Variants in FBXL5 observed in about 807,000 individuals in gnomAD.
FBXL5 encodes F-box and leucine rich repeat protein 5.
Under a neutral mutation model 78.3 loss-of-function variants are expected in FBXL5, and 26 were observed. The observed-to-expected ratio is 0.33, with a 90% CI of 0.24 to 0.46. FBXL5 has a LOEUF of 0.46. Among genes scored for constraint, FBXL5 ranks in the 20% least tolerant of loss-of-function variants. The probability of loss-of-function intolerance (pLI) is 1.00; values close to 1 mark genes in which losing one functional copy is unlikely to be tolerated. For missense variants in FBXL5, 710 were observed against 829.2 expected (o/e 0.86, Z 1.77); for synonymous variants, 295 against 282.5 (o/e 1.04, Z -0.45).
chr4:15,667,175 G>A (rs79423793), intron 1 of FBXL5, among the ~76,000 whole-genome samples: 4,755 of 152,184 alleles, frequency 0.031, 118 homozygotes, highest in Non-Finnish European at 0.045. Flanking sequence ...CTGAATACAC[G>A]TCGTAGTACT....
intron 9 of FBXL5, among the ~76,000 whole-genome samples, chr4:15,615,723 G>A (rs1427479204): frequency 4.6e-5 from 7 of 151,338 alleles, no homozygotes; most frequent in East Asian, 2.0e-4. Context: ...TGATGGGGAC[G>A]TGGAGAACCT....
chr4:15,618,011 T>C (rs1490655889), intron 9 of FBXL5, among the ~76,000 whole-genome samples: 1 of 152,068 alleles, frequency 6.6e-6, no homozygotes, highest in Non-Finnish European at 1.5e-5. Flanking sequence ...AAAGGAAACA[T>C]GGACTAAATC....
intron 1 of FBXL5, among the ~76,000 whole-genome samples, chr4:15,676,229 G>A (rs1717987026): frequency 6.6e-6 from 1 of 152,198 alleles, no homozygotes; most frequent in African/African-American, 2.4e-5. Flanking sequence ...CTCCTGATAT[G>A]ATGCAATAGG....
At chr4:15,677,295 G>A (rs1718029820) in intron 1 of FBXL5, among the ~76,000 whole-genome samples, 1 of 152,046 alleles carries the variant, frequency 6.6e-6, no homozygotes, top group African/African-American at 2.4e-5. Context: ...TTTGTCCTTG[G>A]TTCCTGGAAG....
At chr4:15,675,243 T>C (rs1717940475) in intron 1 of FBXL5, among the ~76,000 whole-genome samples, 1 of 152,176 alleles carries the variant, frequency 6.6e-6, no homozygotes, top group East Asian at 1.9e-4. Flanking sequence ...TTCATTTTCT[T>C]CAAATTAAGA....
At chr4:15,668,993 T>G (rs1253992238) in intron 1 of FBXL5, among the ~76,000 whole-genome samples, 1 of 152,214 alleles carries the variant, frequency 6.6e-6, no homozygotes, top group Non-Finnish European at 1.5e-5. Flanking sequence ...ATAATCCACC[T>G]TGTTGAAAAT....
At chr4:15,678,351 C>T (rs2148831123) in intron 1 of FBXL5, among the ~76,000 whole-genome samples, 1 of 152,244 alleles carries the variant, frequency 6.6e-6, no homozygotes, top group South Asian at 2.1e-4. Flanking sequence ...CAGAATTTGG[C>T]ACATCAAAAA....
intron 10 of FBXL5, among the ~76,000 whole-genome samples, chr4:15,609,754 C>G (rs1363390482): frequency 6.6e-6 from 1 of 151,942 alleles, no homozygotes; most frequent in Non-Finnish European, 1.5e-5. Context: ...AAGAATCATT[C>G]AGAAGAATCT....
At chr4:15,617,654 G>A (rs1328499704) in intron 9 of FBXL5, among the ~76,000 whole-genome samples, 1 of 152,110 alleles carries the variant, frequency 6.6e-6, no homozygotes, top group Non-Finnish European at 1.5e-5. Context: ...GGGTGGAGCT[G>A]GAACTAACAA....
intron 1 of FBXL5, among the ~76,000 whole-genome samples, chr4:15,654,939 CCCT>C (rs954842924): frequency 6.6e-6 from 1 of 151,942 alleles, no homozygotes; most frequent in Non-Finnish European, 1.5e-5. Flanking sequence ...CCGGTAGCGC[CCCT>C]CCTCAGCCGC....
intron 1 of FBXL5, among the ~76,000 whole-genome samples, chr4:15,676,453 A>C (rs936368905): frequency 6.6e-6 from 1 of 152,214 alleles, no homozygotes; most frequent in East Asian, 1.9e-4. Flanking sequence ...AACAAAAAAA[A>C]GGGAGACTCT....
rs529190854 is a variant in FBXL5 at position 15,673,412 on chromosome 4, C to A, written c.-284+7971G>T. Reference sequence around the variant, plus strand: ...GCCAAGATTGCACTACTCTACTCCACCCTGGGCAACAGAGTGAGACCTCAT... The same window carrying A: ...GCCAAGATTGCACTACTCTACTCCAACCTGGGCAACAGAGTGAGACCTCAT... On this transcript the variant is annotated intron_variant, in intron 1 of 4. Transcript: ENST00000507899. Among the ~76,000 whole-genome samples, 24 of 152,062 alleles carry A rather than the reference C, an allele frequency of 1.6e-4. No individual in the cohort carries two copies. In the East Asian group the frequency reaches 4.5e-3, roughly 28 times the overall value.
At chr4:15,641,527 A>C (rs1015197380) in intron 2 of FBXL5, 1 of 415,150 alleles carries the variant, frequency 2.4e-6, no homozygotes, top group African/African-American at 2.0e-5. Context: ...AGCTTACCTT[A>C]CTGTAAGAAT....
intron 1 of FBXL5, among the ~76,000 whole-genome samples, chr4:15,666,356 C>T (rs1047074822): frequency 3.9e-5 from 6 of 151,944 alleles, no homozygotes; most frequent in African/African-American, 9.7e-5. Flanking sequence ...GCCATGATGG[C>T]GCCACTGCAC....
intron 1 of FBXL5, among the ~76,000 whole-genome samples, chr4:15,650,504 C>G (rs1034983544): frequency 1.3e-5 from 2 of 152,036 alleles, no homozygotes; most frequent in Middle Eastern, 3.2e-3. Context: ...GAGCACTCTT[C>G]TACAGTAAAA....
chr4:15,637,038 T>C (rs929088116), intron 4 of FBXL5, among the ~76,000 whole-genome samples: 1 of 152,202 alleles, frequency 6.6e-6, no homozygotes, highest in African/African-American at 2.4e-5. Flanking sequence ...TCAACAAGTA[T>C]AGAGTCAGCC....
In FBXL5 at chr4:15,625,281, T is replaced by A. The variant is rs1712919291; in HGVS notation, c.1821A>T (p.Gly607=). 1 of 1,613,236 alleles carries A rather than the reference T, an allele frequency of 6.2e-7. No individual in the cohort carries two copies. The highest frequency in any genetic ancestry group is 1.1e-5 in the South Asian group (1 of 90,966). Residue 607 remains glycine (G), a synonymous_variant, in exon 9 of 11, where the codon GGA becomes GGT. Transcript: ENST00000341285. ...GACCATGGTCTGTGATCTGATAACA[T>A]CCAGATAAACTGAGAAACAGAAGTA... ...GRVLLFLSLS[G]CYQITDHGLR...
chr4:15,605,511 A>C lies in FBXL5; in HGVS notation c.*212T>G. On this transcript the variant is annotated 3_prime_UTR_variant, in exon 11 of 11. Coordinates refer to ENST00000341285, the MANE Select transcript of FBXL5 (RefSeq NM_012161.4). Reference sequence around the variant, plus strand: ...AGACTGTTCTCACCCTTTTGAAAAGACCTAATCCCTTTCTAAACCAAAAGT... The same window carrying C: ...AGACTGTTCTCACCCTTTTGAAAAGCCCTAATCCCTTTCTAAACCAAAAGT... 1.9e-6 allele frequency: 1 copy of C among 520,596 alleles called. No homozygotes were observed. The highest frequency in any genetic ancestry group is 3.5e-6 in the Non-Finnish European group (1 of 286,836). The allele number at this position is 520,596 out of a possible 1,614,324, so 32.2% of individuals were successfully genotyped here. A position where few individuals can be genotyped will look rare whatever the true frequency, so the allele number is the denominator to read the frequency against.
chr4:15,640,734 A>T, intron 3 of FBXL5, 54 bp downstream of exon 3: 1 of 991,248 alleles, frequency 1.0e-6, no homozygotes, highest in South Asian at 1.5e-5. Context: ...CTAAAGCAAA[A>T]TAGTATTTTA....
Sources: allele counts gnomAD v4.1 joint callset (sites outside exome capture counted in the v4.1 genomes callset), GRCh38; gene constraint gnomAD v4.1.1; transcripts MANE v1.5; gene names NCBI Gene and HGNC (gene_info 2026-07-23, HGNC 2026-07-21).